PFN2: variants seen among roughly 807,000 people sequenced by gnomAD.
PFN2 encodes profilin 2.
PFN2 carries 8 observed loss-of-function variants against 15.3 expected under a neutral mutation model. The ratio of observed to expected loss-of-function variants is 0.52; its 90% CI spans 0.31 to 0.95. The LOEUF is 0.95. Among genes scored for constraint, PFN2 ranks in the 40% least tolerant of loss-of-function variants. The pLI, the probability that PFN2 is intolerant of heterozygous loss-of-function variation, is 0.05. For missense variants in PFN2, 111 were observed against 182.3 expected (o/e 0.61, Z 2.25); for synonymous variants, 79 against 67.9 (o/e 1.16, Z -0.81).
chr3:149,969,744 G>A (rs1030692520), intron 1 of PFN2, among the ~76,000 whole-genome samples: 3 of 152,134 alleles, frequency 2.0e-5, no homozygotes, highest in Non-Finnish European at 2.9e-5. Flanking sequence ...GCAGAAACAG[G>A]CAAAACAATA....
At position 149,965,152 on chromosome 3, in the gene PFN2, G is replaced by A. The variant is rs1196111537; in HGVS notation, c.*1337C>T. 4 of 1,240,262 alleles carry A rather than the reference G, an allele frequency of 3.2e-6. No homozygotes were observed. The South Asian group carries it at 6.0e-5, about 19-fold the overall frequency. The allele number at this position is 1,240,262 out of a possible 1,614,324, so 76.8% of individuals were successfully genotyped here. A position where few individuals can be genotyped will look rare whatever the true frequency, so the allele number is the denominator to read the frequency against. On this transcript the variant is annotated 3_prime_UTR_variant, in exon 3 of 3. Coordinates refer to ENST00000239940, the MANE Select transcript of PFN2 (RefSeq NM_053024.4). ...TGCCATTCGAAAGAAACCCTTAATA[G>A]GTCAGTTAAAATCCATCTCACAATA...
Position 149,966,522 on chromosome 3 carries a change from T to G in PFN2, c.390A>C (p.Ser130=). 6.2e-7 allele frequency: 1 copy of G among 1,613,260 alleles called. No individual in the cohort carries two copies. Among genetic ancestry groups the G allele is most frequent in the Non-Finnish European group, 8.5e-7 (1 of 1,179,248 alleles). The change falls in exon 3 of 3, where the codon TCA becomes TCC. Residue 130 remains serine (S), a synonymous_variant. Coordinates refer to ENST00000239940, the MANE Select transcript of PFN2 (RefSeq NM_053024.4). ...HGGGLNKKAY[S]MAKYLRDSGF ...CAGAGTCTCTCAAGTATTTTGCCAT[T>G]GAGTATGCCTTCTTATTCAATCCGC...
In PFN2 at chr3:149,970,609, C is replaced by G. The variant is rs572016706; in HGVS notation, c.132+116G>C. The G allele has an allele frequency of 1.0e-4, 114 of 1,094,966 alleles. 1 individual carries two copies. The African/African-American group carries it at 1.9e-3, about 18-fold the overall frequency. The allele number at this position is 1,094,966 out of a possible 1,614,324, so 67.8% of individuals were successfully genotyped here. A position where few individuals can be genotyped will look rare whatever the true frequency, so the allele number is the denominator to read the frequency against. On this transcript the variant is annotated intron_variant, in intron 1 of 2. Transcript: ENST00000239940. ...GCAGCCGCATCCTCGGCGCCCGCTG[C>G]CTAGCACACCTGCGGGCTCGGCCCT...
intron 2 of PFN2, among the ~76,000 whole-genome samples, chr3:149,967,601 A>C (rs113271618): frequency 3.3e-5 from 5 of 151,742 alleles, no homozygotes; most frequent in African/African-American, 1.2e-4. Flanking sequence ...TCTATTTACA[A>C]AATATTCGTA....
intron 2 of PFN2, 77 bp from the exon 3 acceptor site, chr3:149,966,663 CG>C: frequency 9.4e-7 from 1 of 1,066,356 alleles, no homozygotes; most frequent in African/African-American, 1.6e-5. Flanking sequence ...AGACAGAACC[CG>C]GATTAATAAG....
intron 2 of PFN2, among the ~76,000 whole-genome samples, chr3:149,966,931 A>C (rs995017802): frequency 6.6e-6 from 1 of 151,144 alleles, no homozygotes; most frequent in Non-Finnish European, 1.5e-5. Flanking sequence ...ACTTGCCCCC[A>C]AAATATAAAC....
chr3:149,965,927 A>G lies in PFN2; in HGVS notation c.*562T>C. On this transcript the variant is annotated 3_prime_UTR_variant, in exon 3 of 3. Transcript: ENST00000239940. Reference sequence around the variant, plus strand: ...AAGACAAAGTGATGCCCAACTTGGCATGCCCCCTCCCCCCAATTTCAAGGT... The same window carrying G: ...AAGACAAAGTGATGCCCAACTTGGCGTGCCCCCTCCCCCCAATTTCAAGGT... 3 of 1,319,676 alleles carry G rather than the reference A, an allele frequency of 2.3e-6. No individual in the cohort carries two copies. The highest frequency in any genetic ancestry group is 2.9e-6 in the Non-Finnish European group (3 of 1,037,754). The allele number at this position is 1,319,676 out of a possible 1,614,324, so 81.7% of individuals were successfully genotyped here.
Position 149,965,219 on chromosome 3 carries a change from T to A in PFN2, c.*1270A>T. 1 of 1,530,266 alleles carries A rather than the reference T, an allele frequency of 6.5e-7. No homozygotes were observed. Among genetic ancestry groups the A allele is most frequent in the East Asian group, 2.4e-5 (1 of 40,842 alleles). The allele number at this position is 1,530,266 out of a possible 1,614,324, so 94.8% of individuals were successfully genotyped here. A position where few individuals can be genotyped will look rare whatever the true frequency, so the allele number is the denominator to read the frequency against. On this transcript the variant is annotated 3_prime_UTR_variant, in exon 3 of 3. Coordinates refer to ENST00000239940, the MANE Select transcript of PFN2 (RefSeq NM_053024.4). Reference sequence around the variant, plus strand: ...ACAATAGTATGGCACAGAATACATATGAAAAAAATTCATCACAAGACAGCC... The same window carrying A: ...ACAATAGTATGGCACAGAATACATAAGAAAAAAATTCATCACAAGACAGCC...
rs1003829053 is a variant in PFN2 at position 149,965,756 on chromosome 3, T to C, written c.*733A>G. 1.3e-5 allele frequency: 14 copies of C among 1,046,762 alleles called. No individual in the cohort carries two copies. The highest frequency in any genetic ancestry group is 5.1e-5 in the African/African-American group (3 of 59,302). The allele number at this position is 1,046,762 out of a possible 1,614,324, so 64.8% of individuals were successfully genotyped here. On this transcript the variant is annotated 3_prime_UTR_variant, in exon 3 of 3. Transcript: ENST00000239940. ...GAGTGAAGGAATGATGCATGCACTT[T>C]TTCCTCCCAACCATGCGCTACAAAA...
chr3:149,965,289 T>C lies in PFN2; in HGVS notation c.*1200A>G. On this transcript the variant is annotated 3_prime_UTR_variant, in exon 3 of 3. Transcript: ENST00000239940. ...TTCATATAAAAACTCAAGCTGCAAA[T>C]AAAAATTGGTCCTATGAAGAACAAA... 2.0e-6 allele frequency: 3 copies of C among 1,535,042 alleles called. No individual in the cohort carries two copies. Among genetic ancestry groups the C allele is most frequent in the Non-Finnish European group, 2.6e-6 (3 of 1,146,398 alleles).
In PFN2 at chr3:149,968,384, T is replaced by C; in HGVS notation, c.299A>G (p.Asn100Ser). 1 of 1,614,046 alleles carries C rather than the reference T, an allele frequency of 6.2e-7. No homozygotes were observed. Among genetic ancestry groups the C allele is most frequent in the Non-Finnish European group, 8.5e-7 (1 of 1,179,924 alleles). The change falls in exon 2 of 3, where the codon AAT becomes AGT. Residue 100 changes from asparagine to serine, a missense_variant. Asn to Ser is a conservative substitution (Grantham distance 46, BLOSUM62 1). Coordinates refer to ENST00000239940, the MANE Select transcript of PFN2 (RefSeq NM_053024.4). Reference sequence around the variant, plus strand: ...TCTACCAGCTCTGCCGACAGCCACATTGTATGTTGGCTCCCCACCTTGACT... The same window carrying C: ...TCTACCAGCTCTGCCGACAGCCACACTGTATGTTGGCTCCCCACCTTGACT... ...TKSQGGEPTYNVAVGRAGRVL... is the reference protein window; with the variant it reads ...TKSQGGEPTYSVAVGRAGRVL...
At position 149,968,494 on chromosome 3, in the gene PFN2, A is replaced by C; in HGVS notation, c.189T>G (p.Gly63=). The C allele has an allele frequency of 6.2e-7, 1 of 1,613,962 alleles. No homozygotes were observed. The highest frequency in any genetic ancestry group is 8.5e-7 in the Non-Finnish European group (1 of 1,179,972). ...AGCATTTCTTCGCGCCAAGAGTCAA[A>C]CCGTTGGTAAAGAAACCTTCCCGGT... ...GKDREGFFTN[G]LTLGAKKCSV... is the part of the protein sequence containing the mutation. Residue 63 remains glycine (G), a synonymous_variant, in exon 2 of 3, where the codon GGT becomes GGG. Transcript: ENST00000239940.
chr3:149,969,564 C>G (rs1222190749), intron 1 of PFN2, among the ~76,000 whole-genome samples: 1 of 152,132 alleles, frequency 6.6e-6, no homozygotes, highest in Non-Finnish European at 1.5e-5. Flanking sequence ...CTATCAAGGA[C>G]TGAGTTCTAA....
intron 1 of PFN2, 182 bp downstream of exon 1, chr3:149,970,543 G>T (rs2108631820): frequency 2.1e-6 from 1 of 472,762 alleles, no homozygotes; most frequent in South Asian, 9.1e-5. Context: ...GCAGCCCCGG[G>T]TGAGGGGGCG....
chr3:149,967,126 G>A (rs1299171264), intron 2 of PFN2, among the ~76,000 whole-genome samples: 1 of 152,080 alleles, frequency 6.6e-6, no homozygotes, highest in African/African-American at 2.4e-5. Flanking sequence ...AATTATTTAA[G>A]GTGTTTGCTT....
At position 149,965,334 on chromosome 3, in the gene PFN2, T is replaced by C. The variant is rs1275179655; in HGVS notation, c.*1155A>G. ...AACAAACTGGACACACTCCAGATGG[T>C]TATGTTGGGATACCTAATGTCCATA... On this transcript the variant is annotated 3_prime_UTR_variant, in exon 3 of 3. Transcript: ENST00000239940. The C allele has an allele frequency of 6.6e-7, 1 of 1,523,568 alleles. No homozygotes were observed. The allele number at this position is 1,523,568 out of a possible 1,614,324, so 94.4% of individuals were successfully genotyped here. A position where few individuals can be genotyped will look rare whatever the true frequency, so the allele number is the denominator to read the frequency against.
chr3:149,969,204 T>C (rs189344878), intron 1 of PFN2, among the ~76,000 whole-genome samples: 67 of 152,326 alleles, frequency 4.4e-4, no homozygotes, highest in Admixed American at 1.4e-3. Context: ...TCAGTTTTCT[T>C]TCTGGGCAAA....
In PFN2 at chr3:149,967,727, A is replaced by G. The variant is rs3772208; in HGVS notation, c.325+631T>C. Among the ~76,000 whole-genome samples the G allele has an allele frequency of 6.4e-4, 98 of 152,340 alleles. 2 individuals are homozygous for G. In the East Asian group the frequency reaches 0.018, roughly 28 times the overall value. On this transcript the variant is annotated intron_variant, in intron 2 of 2. Transcript: ENST00000239940. ...TTCTTTAGTGCAATTAAGAGTTTCT[A>G]TAATGCTGACAACAGTCTGGAGACA... is the stretch of plus-strand genomic sequence containing the variant.
Position 149,966,441 on chromosome 3 carries a change from A to C in PFN2, c.*48T>G. On this transcript the variant is annotated 3_prime_UTR_variant, in exon 3 of 3. Transcript: ENST00000239940. ...ATTAAGACTTAAGCTTATAGCTAGG[A>C]AAGTTTAAGAGCAATTTTCCCCTAA... 1 of 1,605,040 alleles carries C rather than the reference A, an allele frequency of 6.2e-7. No individual in the cohort carries two copies. The highest frequency in any genetic ancestry group is 8.5e-7 in the Non-Finnish European group (1 of 1,177,480).
Sources: gnomAD v4.1 joint callset for allele counts (sites outside exome capture counted in the v4.1 genomes callset) on GRCh38, gnomAD v4.1.1 for gene constraint, MANE v1.5 for transcripts, NCBI Gene and HGNC (gene_info 2026-07-23, HGNC 2026-07-21) for gene names.